SELENOV: variants seen among roughly 807,000 people sequenced by gnomAD.
The protein encoded by SELENOV is selenoprotein V.
SELENOV carries 25 observed loss-of-function variants against 21.6 expected under a neutral mutation model. The ratio of observed to expected loss-of-function variants is 1.16; its 90% CI spans 0.84 to 1.62. SELENOV has a LOEUF of 1.62. Among genes scored for constraint, SELENOV ranks in the 40% most tolerant of loss-of-function variants. The pLI is 0.00. For synonymous variants in SELENOV, 227 were observed against 216.9 expected, an observed-to-expected ratio of 1.05 and a Z score of -0.41; for missense variants, 472 against 459.0, an observed-to-expected ratio of 1.03 and a Z score of -0.26.
chr19:39,515,379 G>A lies in SELENOV; in HGVS notation c.167G>A (p.Gly56Glu), dbSNP rs1478609725. ...CCAGTCCTGACTCCGTCTCCAGCCG[G>A]GACTTCCCCTCTGGTCCTGACTCCT... is the stretch of plus-strand genomic sequence containing the variant. Residue 56 changes from glycine to glutamate, a missense_variant, in exon 1 of 6, where the codon GGG becomes GAG. By Grantham distance (98) the Gly-to-Glu change is moderately conservative. Coordinates refer to ENST00000335426, the Ensembl canonical transcript of SELENOV. The surrounding 1 kb of genome is among the most constrained non-coding windows in gnomAD (Gnocchi z 5.1). The A allele has an allele frequency of 7.1e-6, 11 of 1,551,296 alleles. No homozygotes were observed. The highest frequency in any genetic ancestry group is 9.6e-6 in the Non-Finnish European group (11 of 1,146,886).
intron 1 of SELENOV, chr19:39,518,353 C>G (rs1447488608): frequency 1.8e-6 from 1 of 563,750 alleles, no homozygotes; most frequent in Non-Finnish European, 3.2e-6. Flanking sequence ...GTGGCTGGCA[C>G]AGGGTGAATG....
chr19:39,518,294 C>CAAAAAAAAAAAA (rs56055153), intron 1 of SELENOV, among the ~76,000 whole-genome samples: 55 of 107,176 alleles, frequency 5.1e-4, no homozygotes, highest in African/African-American at 1.5e-3. Flanking sequence ...AACAAAAAAA[C>CAAAAAAAAAAAA]AAAAAAAAAA....
exon 5 of SELENOV, chr19:39,519,073 G>A: frequency 6.2e-7 from 1 of 1,613,852 alleles, no homozygotes; most frequent in Non-Finnish European, 8.5e-7. Flanking sequence ...GTGCCCAGAG[G>A]GGTGATGGCT....
At chr19:39,516,838 G>A (rs1206022594) in intron 1 of SELENOV, among the ~76,000 whole-genome samples, 3 of 151,874 alleles carry the variant, frequency 2.0e-5, no homozygotes, top group African/African-American at 7.3e-5. Context: ...TGGAACCACA[G>A]GCATGTGCCA....
intron 1 of SELENOV, 114 bp from the exon 2 acceptor site, chr19:39,518,494 G>T: frequency 1.9e-6 from 2 of 1,042,600 alleles, no homozygotes; most frequent in Non-Finnish European, 2.9e-6. Flanking sequence ...CTGAACAGGG[G>T]AGGAACATGA....
At chr19:39,516,323 T>G in intron 1 of SELENOV, 7 of 540,118 alleles carry the variant, frequency 1.3e-5, no homozygotes, top group Non-Finnish European at 1.7e-5. Context: ...CAGATCGATC[T>G]ACTTTGCTCC....
intron 5 of SELENOV, among the ~76,000 whole-genome samples, chr19:39,519,926 C>G (rs1393209220): frequency 8.0e-6 from 1 of 125,582 alleles, no homozygotes; most frequent in Non-Finnish European, 1.5e-5. Flanking sequence ...GATGGCGCCA[C>G]TGCACTCCAG....
rs984467551 is a variant in SELENOV, at chr19:39,515,335, C to T, written c.123C>T (p.Thr41=). Reference sequence around the variant, plus strand: ...CCCCGACTCCGGTCCGGACTCGGACCCCCATCCGGACCCTGACTCCAGTCC... The same window carrying T: ...CCCCGACTCCGGTCCGGACTCGGACTCCCATCCGGACCCTGACTCCAGTCC... The change falls in exon 1 of 6, where the codon ACC becomes ACT. Residue 41 remains threonine, a synonymous_variant. Coordinates refer to ENST00000335426, the Ensembl canonical transcript of SELENOV. The surrounding 1 kb of genome is among the most constrained non-coding windows in gnomAD (Gnocchi z 5.1). 8 of 1,551,188 alleles carry T rather than the reference C, an allele frequency of 5.2e-6. 1 individual carries two copies. In the South Asian group the frequency reaches 9.5e-5, roughly 18 times the overall value.
chr19:39,519,182 G>C lies in SELENOV; in HGVS notation c.*22+12G>C, dbSNP rs551814104. Reference sequence around the variant, plus strand: ...GGGTGGAGCTGGAGGTGAGCGTGGAGCTCCCAAGGCTGCGGTGGGAGGGGT... The same window carrying C: ...GGGTGGAGCTGGAGGTGAGCGTGGACCTCCCAAGGCTGCGGTGGGAGGGGT... On this transcript the variant is annotated intron_variant, in intron 5 of 5. Coordinates refer to ENST00000335426, the Ensembl canonical transcript of SELENOV. 6.3e-7 allele frequency: 1 copy of C among 1,596,376 alleles called. No individual in the cohort carries two copies. The highest frequency in any genetic ancestry group is 1.3e-5 in the African/African-American group (1 of 74,512).
chr19:39,516,531 G>A (rs1012574243), intron 1 of SELENOV, among the ~76,000 whole-genome samples: 1 of 151,406 alleles, frequency 6.6e-6, no homozygotes, highest in Admixed American at 6.6e-5. Context: ...TCTCTCTTTT[G>A]TTTTTGTTTG....
exon 4 of SELENOV, chr19:39,518,975 A>G (rs1237838972): frequency 6.2e-7 from 1 of 1,613,492 alleles, no homozygotes; most frequent in East Asian, 2.2e-5. Context: ...CCATTCCAAG[A>G]AGGTGATCCT....
At chr19:39,516,243 A>C (rs1300612784) in intron 1 of SELENOV, 1 of 690,954 alleles carries the variant, frequency 1.4e-6, no homozygotes. Flanking sequence ...TCTGAGCTTC[A>C]TTCATTCGTT....
chr19:39,519,473 T>G (rs1905721858), intron 5 of SELENOV, among the ~76,000 whole-genome samples: 1 of 151,318 alleles, frequency 6.6e-6, no homozygotes, highest in South Asian at 2.1e-4. Flanking sequence ...ATAATGAGAC[T>G]CTGTCTCTAC....
At chr19:39,516,694 A>T (rs1471353272) in intron 1 of SELENOV, among the ~76,000 whole-genome samples, 38 of 129,506 alleles carry the variant, frequency 2.9e-4, no homozygotes, top group Non-Finnish European at 4.6e-4. Context: ...TGCCTGCCTA[A>T]TTTTTTTTTT....
chr19:39,519,115 G>GAGCGTT, exon 5 of SELENOV: 2 of 1,613,840 alleles, frequency 1.2e-6, no homozygotes, highest in Non-Finnish European at 8.5e-7. Flanking sequence ...AGAAAATTGT[G>GAGCGTT]AGCGTTATCG....
intron 5 of SELENOV, among the ~76,000 whole-genome samples, 186 bp downstream of exon 5, chr19:39,519,356 T>C (rs560729752): frequency 1.3e-5 from 2 of 152,044 alleles, no homozygotes; most frequent in Admixed American, 6.6e-5. Context: ...AGGACTGTGT[T>C]CAGTGAGTTT....
At position 39,515,342 on chromosome 19, in the gene SELENOV, C is replaced by T. The variant is rs2079688865; in HGVS notation, c.130C>T (p.Arg44Trp). 3 of 1,551,378 alleles carry T rather than the reference C, an allele frequency of 1.9e-6. No homozygotes were observed. The highest frequency in any genetic ancestry group is 2.6e-6 in the Non-Finnish European group (3 of 1,146,924). The change falls in exon 1 of 6, where the codon CGG becomes TGG. Residue 44 changes from arginine to tryptophan, a missense_variant. By Grantham distance (101) the Arg-to-Trp change is moderately radical. Coordinates refer to ENST00000335426, the Ensembl canonical transcript of SELENOV. This position sits in a 1 kb window ranked among gnomAD's most constrained non-coding sequence, Gnocchi z 5.1. ...TCCGGTCCGGACTCGGACCCCCATCCGGACCCTGACTCCAGTCCTGACTCC... is the reference window on the plus strand; with the variant it reads ...TCCGGTCCGGACTCGGACCCCCATCTGGACCCTGACTCCAGTCCTGACTCC...
Position 39,515,569 on chromosome 19 carries a change from A to T in SELENOV, c.357A>T (p.Pro119=). The T allele has an allele frequency of 7.1e-6, 11 of 1,549,324 alleles. No homozygotes were observed. The highest frequency in any genetic ancestry group is 8.7e-6 in the Non-Finnish European group (10 of 1,146,852). The change falls in exon 1 of 6, where the codon CCA becomes CCT. Residue 119 remains proline (P), a synonymous_variant. Transcript: ENST00000335426. The surrounding 1 kb of genome is among the most constrained non-coding windows in gnomAD (Gnocchi z 5.1). Reference sequence around the variant, plus strand: ...CTCCGGCTCGGACCCTGACTCCTCCAGTCCGGGTCCCAGCCCCAGCCCCAG... The same window carrying T: ...CTCCGGCTCGGACCCTGACTCCTCCTGTCCGGGTCCCAGCCCCAGCCCCAG...
exon 6 of SELENOV, chr19:39,520,534 G>C (rs2079723046): frequency 6.6e-6 from 1 of 152,186 alleles, no homozygotes; most frequent in South Asian, 2.1e-4. Flanking sequence ...GAGGGAAACG[G>C]GGATGGCAGT....
Sources: allele counts gnomAD v4.1 joint callset (sites outside exome capture counted in the v4.1 genomes callset), GRCh38; gene constraint gnomAD v4.1.1; non-coding constraint Gnocchi (gnomAD v3.1); transcripts MANE v1.5; gene names NCBI Gene and HGNC (gene_info 2026-07-23, HGNC 2026-07-21).